The following KBTBD2 variants were observed in gnomAD, a reference collection of about 807,000 sequenced individuals.
The protein encoded by KBTBD2 is kelch repeat and BTB domain-containing protein 2.
In KBTBD2, 17 loss-of-function variants were observed where a neutral mutation model predicts 57.1. The ratio of observed to expected loss-of-function variants is 0.30; its 90% CI spans 0.20 to 0.45. The LOEUF (loss-of-function observed/expected upper bound fraction) is 0.45, where lower values mean the gene tolerates loss of function less well. Ranked by LOEUF, KBTBD2 falls within the 20% of genes least tolerant of loss-of-function variation. The pLI is 1.00. For synonymous variants in KBTBD2, 267 were observed against 262.7 expected, an observed-to-expected ratio of 1.02 and a Z score of -0.16; for missense variants, 515 against 750.6, an observed-to-expected ratio of 0.69 and a Z score of 3.67.
At chr7:32,885,718 T>C (rs1376141370) in intron 1 of KBTBD2, among the ~76,000 whole-genome samples, 2 of 152,076 alleles carry the variant, frequency 1.3e-5, no homozygotes, top group Non-Finnish European at 2.9e-5. Context: ...GCAAACACAA[T>C]ATAATGAAAT....
chr7:32,869,961 C>G lies in KBTBD2; in HGVS notation c.1256G>C (p.Trp419Ser). The change falls in exon 4 of 4, where the codon TGG (tryptophan) becomes TCG (serine). Residue 419 changes from tryptophan (W) to serine (S), a missense_variant. Transcript: ENST00000304056. ...WTMVSPLPCAWQWSAAVVVHD... is the reference protein window; with the variant it reads ...WTMVSPLPCASQWSAAVVVHD... ...AACCACAACTGCTGCACTCCATTGC[C>G]AAGCACAAGGTAAAGGGCTTACCAT... 6.2e-7 allele frequency: 1 copy of G among 1,614,112 alleles called. No individual in the cohort carries two copies. Among genetic ancestry groups the G allele is most frequent in the Middle Eastern group, 1.6e-4 (1 of 6,062 alleles).
intron 1 of KBTBD2, among the ~76,000 whole-genome samples, chr7:32,883,206 T>C (rs985262026): frequency 2.0e-5 from 3 of 151,840 alleles, no homozygotes; most frequent in Admixed American, 6.6e-5. Flanking sequence ...GGCAAAACCC[T>C]GTCTCTACTA....
intron 1 of KBTBD2, among the ~76,000 whole-genome samples, chr7:32,885,770 T>G (rs1024356260): frequency 2.0e-5 from 3 of 152,176 alleles, no homozygotes; most frequent in African/African-American, 7.2e-5. Flanking sequence ...ACATAAAAAG[T>G]GTACATATTC....
Position 32,879,437 on chromosome 7 carries a change from G to C in KBTBD2, c.168C>G (p.Phe56Leu). The C allele has an allele frequency of 6.3e-7, 1 of 1,593,496 alleles. No homozygotes were observed. Among genetic ancestry groups the C allele is most frequent in the Non-Finnish European group, 8.6e-7 (1 of 1,166,436 alleles). The change falls in exon 2 of 4, where the codon TTC (phenylalanine) becomes TTG (leucine). Residue 56 changes from phenylalanine (F) to leucine (L), a missense_variant and splice_region_variant. Transcript: ENST00000304056. ...TTTAAAACATTAAAAGTACTTACCTGAAATAAGAGCTACATGTTGCAAGAA... is the reference window on the plus strand; with the variant it reads ...TTTAAAACATTAAAAGTACTTACCTCAAATAAGAGCTACATGTTGCAAGAA... ...KMVLATCSSYFRAMFMSGLSE... is the reference protein window; with the variant it reads ...KMVLATCSSYLRAMFMSGLSE...
chr7:32,875,353 C>T (rs4437549), intron 2 of KBTBD2, among the ~76,000 whole-genome samples, 196 bp from the exon 3 acceptor site: 73,504 of 152,032 alleles, frequency 0.48, 19,407 homozygotes, highest in African/African-American at 0.71. Context: ...CTCACCACAG[C>T]CTTGACCTTC....
Position 32,879,569 on chromosome 7 carries a change from T to C in KBTBD2, c.36A>G (p.Glu12=). 6.2e-7 allele frequency: 1 copy of C among 1,613,604 alleles called. No homozygotes were observed. The highest frequency in any genetic ancestry group is 8.5e-7 in the Non-Finnish European group (1 of 1,179,764). ...ACTGTTCCAACAATGACACAGCATA[T>C]TCAGTATTGATCTGCCTCTCGTCTT... ...STQDERQINT[E]YAVSLLEQLK... is the part of the protein sequence containing the mutation. The change falls in exon 2 of 4, where the codon GAA becomes GAG. Residue 12 remains glutamate, a synonymous_variant. Transcript: ENST00000304056.
chr7:32,884,389 TTAA>T (rs1784516317), intron 1 of KBTBD2, among the ~76,000 whole-genome samples: 1 of 98,860 alleles, frequency 1.0e-5, no homozygotes. Flanking sequence ...AATTTTTAAT[TTAA>T]AAAAAAAAAA....
rs555786609 is a variant in KBTBD2, at chr7:32,881,027, G to A, written c.-338-1085C>T. On this transcript the variant is annotated intron_variant, in intron 1 of 3. Coordinates refer to ENST00000304056, the MANE Select transcript of KBTBD2 (RefSeq NM_015483.3). The stretch of plus-strand genomic sequence containing the variant: ...GAGGCAGGGGAATTGCTTGAACCCG[G>A]GAGGTGGAGATTGCAGTGAGCCAAG... 6.6e-5 allele frequency among the ~76,000 whole-genome samples: 10 copies of A among 152,036 alleles called. 1 individual carries two copies. In the South Asian group the frequency reaches 2.1e-3, roughly 32 times the overall value.
In KBTBD2 at chr7:32,875,040, C is replaced by T; in HGVS notation, c.288G>A (p.Met96Ile). 6.2e-7 allele frequency: 1 copy of T among 1,614,164 alleles called. No individual in the cohort carries two copies. Among genetic ancestry groups the T allele is most frequent in the Non-Finnish European group, 8.5e-7 (1 of 1,180,000 alleles). The stretch of plus-strand genomic sequence containing the variant: ...AAAGCTGTTCTACAGTGCTGTCATT[C>T]ATTGCCAAGTTACCCGTGTATGCAT... The part of the protein sequence containing the change: ...ITYAYTGNLA[M>I]NDSTVEQLYE... Residue 96 changes from methionine (M) to isoleucine (I), a missense_variant, in exon 3 of 4, where the codon ATG (methionine) becomes ATA (isoleucine). By Grantham distance (10) the Met-to-Ile change is conservative. Coordinates refer to ENST00000304056, the MANE Select transcript of KBTBD2 (RefSeq NM_015483.3).
At chr7:32,878,213 C>T (rs866478473) in intron 2 of KBTBD2, among the ~76,000 whole-genome samples, 3 of 152,058 alleles carry the variant, frequency 2.0e-5, no homozygotes, top group Non-Finnish European at 2.9e-5. Context: ...TGTGAAGTTT[C>T]GGTATCTTCA....
intron 2 of KBTBD2, among the ~76,000 whole-genome samples, chr7:32,877,385 A>G (rs1642645162): frequency 6.6e-6 from 1 of 152,214 alleles, no homozygotes; most frequent in African/African-American, 2.4e-5. Context: ...GTGCTGAGTA[A>G]TTCTCAAGCA....
intron 1 of KBTBD2, among the ~76,000 whole-genome samples, chr7:32,890,816 G>A (rs958880710): frequency 2.6e-5 from 4 of 152,180 alleles, no homozygotes; most frequent in Non-Finnish European, 1.5e-5. Context: ...GGCAGGTAGA[G>A]TTCTTAGATA....
intron 1 of KBTBD2, among the ~76,000 whole-genome samples, chr7:32,888,493 T>C (rs1784638467): frequency 6.6e-6 from 1 of 151,926 alleles, no homozygotes. Flanking sequence ...TTTTAGATTG[T>C]CAACTGCTAC....
chr7:32,889,840 C>G (rs1784684959), intron 1 of KBTBD2, among the ~76,000 whole-genome samples: 2 of 152,128 alleles, frequency 1.3e-5, no homozygotes, highest in South Asian at 4.1e-4. Flanking sequence ...TTGGAAAAAC[C>G]AATGTTATCA....
chr7:32,878,841 C>T (rs1784379831), intron 2 of KBTBD2, among the ~76,000 whole-genome samples: 1 of 152,128 alleles, frequency 6.6e-6, no homozygotes, highest in African/African-American at 2.4e-5. Context: ...TAAAGTTAAG[C>T]TTTATGTATT....
At position 32,869,509 on chromosome 7, in the gene KBTBD2, G is replaced by A. The variant is rs1277155852; in HGVS notation, c.1708C>T (p.Arg570Cys). Residue 570 changes from arginine to cysteine, a missense_variant, in exon 4 of 4, where the codon CGT (arginine) becomes TGT (cysteine). By Grantham distance (180) the Arg-to-Cys change is radical. Coordinates refer to ENST00000304056, the MANE Select transcript of KBTBD2 (RefSeq NM_015483.3). ...RWSLRQHISE[R>C]VLWDLGRDFR... ...TCTCTCCCCAAGTCCCACAGTACAC[G>A]TTCAGATATATGCTGCCGCAGAGAC... 11 of 1,613,990 alleles carry A rather than the reference G, an allele frequency of 6.8e-6. No homozygotes were observed. The highest frequency in any genetic ancestry group is 5.3e-5 in the African/African-American group (4 of 74,904).
intron 3 of KBTBD2, among the ~76,000 whole-genome samples, chr7:32,872,471 A>G (rs1177189863): frequency 1.3e-5 from 2 of 152,026 alleles, no homozygotes; most frequent in African/African-American, 2.4e-5. Flanking sequence ...CCTGAGCTCA[A>G]GAGTTTGAGA....
Position 32,889,247 on chromosome 7 carries a change from C to T in KBTBD2, c.-339+2289G>A, listed in dbSNP as rs192577850. 1.4e-3 allele frequency among the ~76,000 whole-genome samples: 218 copies of T among 151,064 alleles called. 1 individual carries two copies. Among genetic ancestry groups the T allele is most frequent in the African/African-American group, 5.1e-3 (211 of 41,054 alleles). ...CGGAGCTTGCAGTGAGCCAAGATCGCGCCACCGCACTCCAGCCTGGGCGAC... is the reference window on the plus strand; with the variant it reads ...CGGAGCTTGCAGTGAGCCAAGATCGTGCCACCGCACTCCAGCCTGGGCGAC... On this transcript the variant is annotated intron_variant, in intron 1 of 3. Transcript: ENST00000304056.
At chr7:32,885,459 CT>C (rs1784554388) in intron 1 of KBTBD2, among the ~76,000 whole-genome samples, 1 of 126,356 alleles carries the variant, frequency 7.9e-6, no homozygotes, top group South Asian at 2.8e-4. Flanking sequence ...GTGTGAGTAC[CT>C]TTAATTAAGG....
Sources: allele counts gnomAD v4.1 joint callset (sites outside exome capture counted in the v4.1 genomes callset), GRCh38; gene constraint gnomAD v4.1.1; transcripts MANE v1.5; gene names NCBI Gene and HGNC (gene_info 2026-07-23, HGNC 2026-07-21).